Variants in PLCE1 observed in about 807,000 individuals in gnomAD.
The protein encoded by PLCE1 is 1-phosphatidylinositol 4,5-bisphosphate phosphodiesterase epsilon-1.
Under a neutral mutation model 242.8 loss-of-function variants are expected in PLCE1, and 119 were observed. That is an observed-to-expected ratio of 0.49 (90% confidence interval 0.42 to 0.57). PLCE1 has a LOEUF of 0.57. Among genes scored for constraint, PLCE1 ranks in the 20% least tolerant of loss-of-function variants. The probability of loss-of-function intolerance (pLI) is 0.00; values close to 1 mark genes in which losing one functional copy is unlikely to be tolerated. For missense variants in PLCE1, 2,441 were observed against 2,788.8 expected, an observed-to-expected ratio of 0.88 and a Z score of 2.81; for synonymous variants, 945 against 1,017.4, an observed-to-expected ratio of 0.93 and a Z score of 1.35.
rs528892812 is a variant in PLCE1, at chr10:94,239,146, T to C, written c.2420+3026T>C. Among the ~76,000 whole-genome samples the C allele has an allele frequency of 2.0e-5, 3 of 152,318 alleles. No homozygotes were observed. The South Asian group carries it at 6.2e-4, about 32-fold the overall frequency. ...TATAGATGGTGGCTATCGTGATTAA[T>C]GTGTGTATCACACCCTTAAAATACC... On this transcript the variant is annotated intron_variant, in intron 7 of 32. Transcript: ENST00000371380.
At chr10:94,277,598 T>A (rs2052008089) in intron 19 of PLCE1, among the ~76,000 whole-genome samples, 1 of 152,038 alleles carries the variant, frequency 6.6e-6, no homozygotes. Flanking sequence ...GCCAGTGGGG[T>A]CTGTCCAGCC....
intron 16 of PLCE1, among the ~76,000 whole-genome samples, chr10:94,267,493 A>G (rs1278930609): frequency 1.3e-5 from 2 of 152,100 alleles, no homozygotes; most frequent in African/African-American, 4.8e-5. Flanking sequence ...GCCCTTCCTA[A>G]TTACCTCTTA....
chr10:94,265,763 T>C (rs1219199212), intron 15 of PLCE1, 30 bp from the exon 16 acceptor site: 2 of 1,613,884 alleles, frequency 1.2e-6, no homozygotes, highest in South Asian at 1.1e-5. Context: ...ATTTTTCCCA[T>C]GCAGTCTTAA....
chr10:94,188,879 A>G (rs1191948099), intron 4 of PLCE1, among the ~76,000 whole-genome samples: 1 of 152,116 alleles, frequency 6.6e-6, no homozygotes, highest in Non-Finnish European at 1.5e-5. Flanking sequence ...TGCCAGGATT[A>G]CAGGCATGAG....
intron 31 of PLCE1, 87 bp from the exon 32 acceptor site, chr10:94,324,805 G>A (rs1306485225): frequency 3.0e-6 from 4 of 1,351,212 alleles, no homozygotes; most frequent in Non-Finnish European, 4.2e-6. Flanking sequence ...CTAGAGAGAA[G>A]AGGAAAGCGC....
intron 2 of PLCE1, among the ~76,000 whole-genome samples, chr10:94,069,145 G>A (rs945948030): frequency 2.0e-5 from 3 of 152,192 alleles, no homozygotes; most frequent in Non-Finnish European, 4.4e-5. Flanking sequence ...TTCAGTCCAG[G>A]TCTTCCTCAC....
rs36054579 is a variant in PLCE1, at chr10:94,331,869, CTTT to C, written c.*3944_*3946del. 1,363 of 119,054 alleles carry C rather than the reference CTTT, an allele frequency of 0.011. 13 individuals are homozygous for C. The highest frequency in any genetic ancestry group is 0.032 in the African/African-American group (1,019 of 31,638). The allele number at this position is 119,054 out of a possible 1,614,324, so 7.4% of individuals were successfully genotyped here. A position where few individuals can be genotyped will look rare whatever the true frequency, so the allele number is the denominator to read the frequency against. On this transcript the variant is annotated 3_prime_UTR_variant, in exon 33 of 33. Transcript: ENST00000371380. ...GAGTCTCTATGATTACCAAGTTATT[CTTT>C]TTTTTTTTTTTTTTTTTGAGGCAAA...
chr10:94,273,800 A>G, intron 19 of PLCE1, 80 bp downstream of exon 19: 1 of 1,291,292 alleles, frequency 7.7e-7, no homozygotes, highest in Admixed American at 1.7e-5. Flanking sequence ...AACCTTTCAG[A>G]TGACCTGCTG....
chr10:94,301,366 T>TTA (rs1381487016), intron 24 of PLCE1, among the ~76,000 whole-genome samples: 3 of 150,986 alleles, frequency 2.0e-5, no homozygotes, highest in Admixed American at 6.6e-5. Context: ...AAAAAGAAAA[T>TTA]TATATATATA....
intron 3 of PLCE1, among the ~76,000 whole-genome samples, chr10:94,134,734 C>T (rs1234515165): frequency 1.3e-5 from 2 of 152,174 alleles, no homozygotes; most frequent in Admixed American, 1.3e-4. Context: ...ATCTATGGCC[C>T]TGATCATAAT....
rs747299979 is a variant in PLCE1, at chr10:94,132,218, A to C, written c.1251A>C (p.Gly417=). The C allele has an allele frequency of 6.2e-7, 1 of 1,614,050 alleles. No individual in the cohort carries two copies. Among genetic ancestry groups the C allele is most frequent in the South Asian group, 1.1e-5 (1 of 91,062 alleles). The part of the protein sequence containing the change: ...VRREETENTV[G]SLLHFLTKLP... ...GAGAAGAAACAGAAAATACAGTTGG[A>C]TCTCTACTCCATTTCCTCACCAAGC... Residue 417 remains glycine, a synonymous_variant, in exon 3 of 33, where the codon GGA becomes GGC. Transcript: ENST00000371380.
At chr10:94,086,204 T>C (rs2044820168) in intron 2 of PLCE1, among the ~76,000 whole-genome samples, 1 of 152,318 alleles carries the variant, frequency 6.6e-6, no homozygotes, top group Admixed American at 6.5e-5. Flanking sequence ...CTGGAGATGG[T>C]ATCATTGCTC....
intron 1 of PLCE1, among the ~76,000 whole-genome samples, chr10:94,008,815 G>T (rs2061104270): frequency 6.6e-6 from 1 of 152,200 alleles, no homozygotes; most frequent in African/African-American, 2.4e-5. Flanking sequence ...GGTAGAAAAT[G>T]CTCCTTCTTA....
intron 2 of PLCE1, among the ~76,000 whole-genome samples, chr10:94,065,319 C>T (rs536858479): frequency 1.1e-4 from 17 of 152,316 alleles, no homozygotes; most frequent in Admixed American, 3.9e-4. Flanking sequence ...TTTGACCTCT[C>T]GGCTCTGGGG....
intron 22 of PLCE1, among the ~76,000 whole-genome samples, chr10:94,289,721 C>CT (rs1366610184): frequency 6.6e-6 from 1 of 152,090 alleles, no homozygotes; most frequent in Non-Finnish European, 1.5e-5. Flanking sequence ...GTATAGGGCA[C>CT]TTATCATGAA....
At chr10:94,162,266 G>T (rs969523751) in intron 3 of PLCE1, among the ~76,000 whole-genome samples, 1 of 152,130 alleles carries the variant, frequency 6.6e-6, no homozygotes, top group African/African-American at 2.4e-5. Flanking sequence ...GTAGAATTTG[G>T]CTGTGAATCC....
intron 19 of PLCE1, among the ~76,000 whole-genome samples, chr10:94,277,903 T>C (rs1249061909): frequency 6.6e-6 from 1 of 152,196 alleles, no homozygotes; most frequent in Non-Finnish European, 1.5e-5. Flanking sequence ...TAGGAATGTG[T>C]TCAGGTTTGG....
chr10:94,252,989 G>T (rs955140793), intron 9 of PLCE1, among the ~76,000 whole-genome samples: 7 of 152,190 alleles, frequency 4.6e-5, no homozygotes, highest in Non-Finnish European at 1.5e-5. Context: ...CTGTGGGCAA[G>T]GAAGGGCTAG....
chr10:94,303,327 C>T (rs887601665), intron 24 of PLCE1, among the ~76,000 whole-genome samples: 3 of 152,150 alleles, frequency 2.0e-5, no homozygotes, highest in Non-Finnish European at 2.9e-5. Context: ...ATTTGGGTAA[C>T]TTTTATACAG....
Sources: allele counts gnomAD v4.1 joint callset (sites outside exome capture counted in the v4.1 genomes callset), GRCh38; gene constraint gnomAD v4.1.1; transcripts MANE v1.5; gene names NCBI Gene and HGNC (gene_info 2026-07-23, HGNC 2026-07-21).